Variants in SLC4A5 observed in about 807,000 individuals in gnomAD.
The protein encoded by SLC4A5 is solute carrier family 4 member 5, also known as electrogenic sodium bicarbonate cotransporter 4.
Under a neutral mutation model 120.4 loss-of-function variants are expected in SLC4A5, and 96 were observed. That is an observed-to-expected ratio of 0.80 (90% CI 0.68 to 0.94). The LOEUF (loss-of-function observed/expected upper bound fraction) is 0.94, where lower values mean the gene tolerates loss of function less well. Among genes scored for constraint, SLC4A5 ranks in the 40% least tolerant of loss-of-function variants. The pLI, the probability that SLC4A5 is intolerant of heterozygous loss-of-function variation, is 0.00. For missense variants in SLC4A5, 1,259 were observed against 1,459.5 expected (o/e 0.86, Z 2.24); for synonymous variants, 550 against 571.1 (o/e 0.96, Z 0.53).
chr2:74,256,039 A>C, intron 12 of SLC4A5, 107 bp from the exon 13 acceptor site: 1 of 1,252,244 alleles, frequency 8.0e-7, no homozygotes, highest in Non-Finnish European at 1.1e-6. Context: ...AATTCTCCCA[A>C]TGTTGCCAAG....
chr2:74,228,243 G>T (rs907672776), intron 25 of SLC4A5, among the ~76,000 whole-genome samples: 2 of 152,186 alleles, frequency 1.3e-5, no homozygotes, highest in African/African-American at 4.8e-5. Context: ...CCTCAGCTGA[G>T]GGTCCCCTAA....
intron 26 of SLC4A5, chr2:74,227,550 C>T (rs1353766870): frequency 1.2e-6 from 2 of 1,611,624 alleles, no homozygotes; most frequent in Non-Finnish European, 1.7e-6. Flanking sequence ...TGAATTCTGA[C>T]CCTCCGGTCC....
intron 20 of SLC4A5, among the ~76,000 whole-genome samples, chr2:74,241,570 G>A (rs1198892335): frequency 5.9e-5 from 9 of 151,630 alleles, no homozygotes; most frequent in Admixed American, 1.3e-4. Context: ...GTGAAACCCC[G>A]TCTCTACTAA....
At chr2:74,239,925 C>T (rs1037133251) in intron 20 of SLC4A5, among the ~76,000 whole-genome samples, 8 of 151,774 alleles carry the variant, frequency 5.3e-5, no homozygotes, top group African/African-American at 1.9e-4. Flanking sequence ...CCTTGTCAGT[C>T]CCCTCTTGGG....
At chr2:74,341,847 G>A (rs539065600) in intron 2 of SLC4A5, among the ~76,000 whole-genome samples, 11 of 152,210 alleles carry the variant, frequency 7.2e-5, no homozygotes, top group Non-Finnish European at 7.3e-5. Flanking sequence ...GGAGTAAGGA[G>A]AGGAAGGCTA....
At chr2:74,259,251 G>A (rs1558882565) in intron 12 of SLC4A5, among the ~76,000 whole-genome samples, 1 of 152,134 alleles carries the variant, frequency 6.6e-6, no homozygotes, top group Non-Finnish European at 1.5e-5. Context: ...ATCTTTAAAG[G>A]TGCTTGTGGA....
chr2:74,250,315 T>C (rs781669794), intron 17 of SLC4A5, 28 bp downstream of exon 17: 7 of 1,604,734 alleles, frequency 4.4e-6, no homozygotes, highest in South Asian at 3.3e-5. Context: ...ATCTTACTTT[T>C]ACACTCAGGG....
At chr2:74,275,947 C>A (rs902266887) in intron 8 of SLC4A5, among the ~76,000 whole-genome samples, 1 of 152,194 alleles carries the variant, frequency 6.6e-6, no homozygotes, top group African/African-American at 2.4e-5. Context: ...CCACTTTGCA[C>A]ATACCACCCT....
intron 7 of SLC4A5, among the ~76,000 whole-genome samples, chr2:74,300,779 A>G (rs1312424725): frequency 6.6e-6 from 1 of 152,172 alleles, no homozygotes; most frequent in African/African-American, 2.4e-5. Context: ...TGATCCAGAG[A>G]GCAACTTTGC....
At chr2:74,217,062 A>G (rs1480625333) in exon 31 of SLC4A5, 1 of 152,236 alleles carries the variant, frequency 6.6e-6, no homozygotes, top group Non-Finnish European at 1.5e-5. Flanking sequence ...AGAGCTTTCT[A>G]TGGACCAGGC....
intron 5 of SLC4A5, among the ~76,000 whole-genome samples, chr2:74,325,215 T>C (rs767263854): frequency 1.3e-5 from 2 of 152,178 alleles, no homozygotes; most frequent in East Asian, 1.9e-4. Flanking sequence ...GAAAAGAAAG[T>C]TTGTTGGAAA....
chr2:74,245,674 G>A (rs1200787170), intron 19 of SLC4A5, among the ~76,000 whole-genome samples: 1 of 152,228 alleles, frequency 6.6e-6, no homozygotes, highest in Non-Finnish European at 1.5e-5. Context: ...TACAAAATCA[G>A]TGCAGTCACA....
chr2:74,226,309 A>C (rs114814511), intron 27 of SLC4A5, among the ~76,000 whole-genome samples: 1,810 of 152,052 alleles, frequency 0.012, 30 homozygotes, highest in African/African-American at 0.04. Context: ...GACACACTCC[A>C]GGCTCCTGGC....
At chr2:74,279,322 G>A (rs375536018) in intron 8 of SLC4A5, among the ~76,000 whole-genome samples, 8 of 152,116 alleles carry the variant, frequency 5.3e-5, no homozygotes, top group East Asian at 3.9e-4. Flanking sequence ...TCCATCCTGC[G>A]GATGCGCTTC....
chr2:74,315,709 A>G (rs1197145370), intron 5 of SLC4A5, among the ~76,000 whole-genome samples: 1 of 151,806 alleles, frequency 6.6e-6, no homozygotes, highest in East Asian at 1.9e-4. Context: ...CGGGAGAATC[A>G]TACAAGCCCA....
intron 7 of SLC4A5, among the ~76,000 whole-genome samples, chr2:74,288,736 T>C (rs371202658): frequency 1.3e-5 from 2 of 152,226 alleles, no homozygotes; most frequent in African/African-American, 4.8e-5. Context: ...CCCATGTGTA[T>C]TGAACATTCC....
At chr2:74,300,253 G>C (rs775098564) in intron 7 of SLC4A5, among the ~76,000 whole-genome samples, 1 of 152,120 alleles carries the variant, frequency 6.6e-6, no homozygotes, top group East Asian at 1.9e-4. Context: ...ATATTCCAGG[G>C]ATCTAATGTA....
At chr2:74,276,982 A>C (rs1363716989) in intron 8 of SLC4A5, among the ~76,000 whole-genome samples, 1 of 152,152 alleles carries the variant, frequency 6.6e-6, no homozygotes, top group Non-Finnish European at 1.5e-5. Context: ...AGAAGCAGAG[A>C]GAAAGAGGAC....
exon 14 of SLC4A5, chr2:74,254,634 G>A: frequency 6.2e-7 from 1 of 1,613,982 alleles, no homozygotes. Context: ...CTACCATGAG[G>A]GTTGCAATGG....
Sources: allele counts gnomAD v4.1 joint callset (sites outside exome capture counted in the v4.1 genomes callset), GRCh38; gene constraint gnomAD v4.1.1; transcripts MANE v1.5; gene names NCBI Gene and HGNC (gene_info 2026-07-23, HGNC 2026-07-21).